The following CEP63 variants were observed in gnomAD, a reference collection of about 807,000 sequenced individuals.
CEP63 encodes centrosomal protein 63, also known as centrosomal protein of 63 kDa.
Under a neutral mutation model 89.1 loss-of-function variants are expected in CEP63, and 84 were observed. The observed-to-expected ratio is 0.94, with a 90% CI of 0.79 to 1.13. CEP63 has a LOEUF of 1.13. CEP63 is among the 50% of genes most tolerant of loss of function. The pLI is 0.00. For missense variants in CEP63, 838 were observed against 813.3 expected, an observed-to-expected ratio of 1.03 and a Z score of -0.37; for synonymous variants, 267 against 272.5, an observed-to-expected ratio of 0.98 and a Z score of 0.20.
the CEP63 span, among the ~76,000 whole-genome samples, chr3:134,738,432 G>T: frequency 6.6e-6 from 1 of 152,162 alleles, no homozygotes; most frequent in Non-Finnish European, 1.5e-5. Flanking sequence ...GGGATTGCTG[G>T]ATCAAATGGT....
chr3:134,500,072 C>T (rs1048399248), intron 2 of CEP63, among the ~76,000 whole-genome samples: 7 of 152,066 alleles, frequency 4.6e-5, no homozygotes, highest in East Asian at 1.9e-4. Context: ...GTGATCCCCC[C>T]GCCTCAGCCT....
the CEP63 span, among the ~76,000 whole-genome samples, chr3:134,706,116 G>C: frequency 1.3e-5 from 2 of 152,138 alleles, no homozygotes; most frequent in African/African-American, 2.4e-5. Context: ...ACAGAACTAA[G>C]TGGTAGAAAT....
chr3:134,696,183 G>A, the CEP63 span, among the ~76,000 whole-genome samples: 3 of 152,340 alleles, frequency 2.0e-5, no homozygotes, highest in South Asian at 6.2e-4. Context: ...GTTCCAAGGG[G>A]AATATGTGAA....
At chr3:134,701,325 C>CGTATATGTGTGTATATATACGTAT in the CEP63 span, among the ~76,000 whole-genome samples, 1 of 38,306 alleles carries the variant, frequency 2.6e-5, no homozygotes, top group African/African-American at 5.9e-5. Flanking sequence ...TGTATATATA[C>CGTATATGTGTGTATATATACGTAT]ATATACACAC....
At chr3:134,532,001 C>T in intron 4 of CEP63, 61 bp downstream of exon 4, 1 of 1,203,948 alleles carries the variant, frequency 8.3e-7, no homozygotes, top group Non-Finnish European at 1.2e-6. Flanking sequence ...CCCTTGAGAA[C>T]TTTGTTAATG....
the CEP63 span, among the ~76,000 whole-genome samples, chr3:134,595,978 C>A: frequency 7.2e-6 from 1 of 139,426 alleles, no homozygotes; most frequent in African/African-American, 2.7e-5. Flanking sequence ...GCTATATTTG[C>A]CATTTTGCAG....
rs376104307 is a variant in CEP63 at position 134,549,082 on chromosome 3, C to T, written c.1088C>T (p.Thr363Met). 1.7e-5 allele frequency: 27 copies of T among 1,611,950 alleles called. No homozygotes were observed. Among genetic ancestry groups the T allele is most frequent in the East Asian group, 4.5e-5 (2 of 44,838 alleles). Residue 363 changes from threonine to methionine, a missense_variant, in exon 10 of 15, where the codon ACG (threonine) becomes ATG (methionine). Transcript: ENST00000675561. The stretch of plus-strand genomic sequence containing the variant: ...TACAGTTTGGAATCTGTGAGTGCAA[C>T]GTGTAAACAGCTGAGCCAAGAACTA... Reference protein sequence around the residue: ...LEGSLESVSATCKQLSQELME... With the variant: ...LEGSLESVSAMCKQLSQELME...
the CEP63 span, among the ~76,000 whole-genome samples, chr3:134,707,775 T>C: frequency 7.8e-6 from 1 of 128,494 alleles, no homozygotes; most frequent in African/African-American, 2.7e-5. Context: ...CAATTAATGA[T>C]GCTCATTGAG....
chr3:134,761,841 C>G, the CEP63 span, among the ~76,000 whole-genome samples: 3 of 152,158 alleles, frequency 2.0e-5, no homozygotes, highest in Non-Finnish European at 4.4e-5. Context: ...GGAGGTTTGT[C>G]TGAAGCCTCC....
At chr3:134,622,095 C>A in the CEP63 span, among the ~76,000 whole-genome samples, 1 of 152,210 alleles carries the variant, frequency 6.6e-6, no homozygotes. Context: ...GGAATTGGAA[C>A]TCTTGTACGA....
chr3:134,499,865 C>A (rs1362110842), intron 2 of CEP63, among the ~76,000 whole-genome samples: 1 of 126,496 alleles, frequency 7.9e-6, no homozygotes, highest in Non-Finnish European at 1.6e-5. Context: ...GCTCTGTTGC[C>A]CAGGCTGGAG....
intron 11 of CEP63, among the ~76,000 whole-genome samples, chr3:134,570,956 C>G (rs1251885993): frequency 6.6e-6 from 1 of 152,204 alleles, no homozygotes; most frequent in Non-Finnish European, 1.5e-5. Context: ...TTGTTAAAAA[C>G]ATCAGATCTC....
At chr3:134,498,881 T>C (rs1009059068) in intron 2 of CEP63, among the ~76,000 whole-genome samples, 3 of 152,226 alleles carry the variant, frequency 2.0e-5, no homozygotes, top group African/African-American at 7.2e-5. Flanking sequence ...ATACCTGGGA[T>C]AAATCCCACT....
At chr3:134,655,157 C>T in the CEP63 span, among the ~76,000 whole-genome samples, 2 of 152,118 alleles carry the variant, frequency 1.3e-5, no homozygotes, top group Non-Finnish European at 2.9e-5. Context: ...GCTATGGCAA[C>T]TTCCTGTATT....
chr3:134,745,588 A>C, the CEP63 span, among the ~76,000 whole-genome samples: 1 of 150,938 alleles, frequency 6.6e-6, no homozygotes, highest in Non-Finnish European at 1.5e-5. Context: ...CAACGTGCAG[A>C]TTTGTTACAT....
chr3:134,537,422 A>G (rs1025274706), intron 6 of CEP63, among the ~76,000 whole-genome samples, 154 bp downstream of exon 6: 3 of 151,966 alleles, frequency 2.0e-5, no homozygotes, highest in Admixed American at 6.6e-5. Context: ...CAGCATCTAG[A>G]CTCAGCTCCT....
chr3:134,519,564 A>G (rs371610693), intron 3 of CEP63, among the ~76,000 whole-genome samples: 1 of 152,250 alleles, frequency 6.6e-6, no homozygotes, highest in Non-Finnish European at 1.5e-5. Flanking sequence ...TCCAGAGAAC[A>G]GAAGAAAAGA....
intron 11 of CEP63, among the ~76,000 whole-genome samples, chr3:134,570,342 T>C (rs1162642358): frequency 6.6e-6 from 1 of 152,208 alleles, no homozygotes; most frequent in Non-Finnish European, 1.5e-5. Context: ...ACAATGCTTT[T>C]AACAGCACCC....
intron 3 of CEP63, among the ~76,000 whole-genome samples, chr3:134,516,430 G>A (rs1182289014): frequency 6.6e-6 from 1 of 152,128 alleles, no homozygotes. Flanking sequence ...TGTCTCAACT[G>A]CAAAGAGGTG....
Sources: gnomAD v4.1 joint callset for allele counts (sites outside exome capture counted in the v4.1 genomes callset) on GRCh38, gnomAD v4.1.1 for gene constraint, MANE v1.5 for transcripts, NCBI Gene and HGNC (gene_info 2026-07-23, HGNC 2026-07-21) for gene names.